Variants in DCDC2C observed in about 807,000 individuals in gnomAD.
DCDC2C encodes doublecortin domain-containing protein 2C.
DCDC2C carries 44 observed loss-of-function variants against 45.0 expected under a neutral mutation model. The observed-to-expected ratio is 0.98, with a 90% CI of 0.77 to 1.26. The LOEUF (loss-of-function observed/expected upper bound fraction) is 1.26, where lower values mean the gene tolerates loss of function less well. Ranked by LOEUF, DCDC2C falls within the 50% of genes most tolerant of loss-of-function variation. The pLI, the probability that DCDC2C is intolerant of heterozygous loss-of-function variation, is 0.00. For synonymous variants in DCDC2C, 187 were observed against 178.8 expected (o/e 1.05, Z -0.37); for missense variants, 447 against 468.9 (o/e 0.95, Z 0.43).
At chr2:3,810,347 A>G (rs2148212371) in intron 10 of DCDC2C, among the ~76,000 whole-genome samples, 1 of 152,342 alleles carries the variant, frequency 6.6e-6, no homozygotes, top group African/African-American at 2.4e-5. Context: ...ATGATCAGCG[A>G]TGTTGAACTT....
chr2:3,780,357 A>C (rs552765551), intron 9 of DCDC2C, among the ~76,000 whole-genome samples: 2 of 152,196 alleles, frequency 1.3e-5, no homozygotes, highest in Non-Finnish European at 2.9e-5. Context: ...CCTTGTGCAC[A>C]CTGGCGGTTG....
At chr2:3,725,372 C>CT (rs2148069570) in intron 2 of DCDC2C, among the ~76,000 whole-genome samples, 1 of 145,474 alleles carries the variant, frequency 6.9e-6, no homozygotes, top group South Asian at 2.1e-4. Flanking sequence ...ACCAGGGTGG[C>CT]TGAAGGAGCA....
chr2:3,831,393 A>G (rs1001477069), intron 10 of DCDC2C, among the ~76,000 whole-genome samples: 11 of 152,190 alleles, frequency 7.2e-5, no homozygotes, highest in African/African-American at 2.7e-4. Context: ...GGTGTAGCCT[A>G]TTGCCTATTG....
At chr2:3,842,166 T>C (rs913909859) in intron 10 of DCDC2C, among the ~76,000 whole-genome samples, 1 of 152,030 alleles carries the variant, frequency 6.6e-6, no homozygotes, top group African/African-American at 2.4e-5. Flanking sequence ...GGGAATCCAT[T>C]GGAATGAGAC....
At chr2:3,794,822 C>T (rs1012395911) in intron 10 of DCDC2C, among the ~76,000 whole-genome samples, 1 of 152,178 alleles carries the variant, frequency 6.6e-6, no homozygotes, top group African/African-American at 2.4e-5. Context: ...CCTCAATAAA[C>T]ATACGTGTGC....
chr2:3,803,905 C>T (rs1294377988), intron 10 of DCDC2C, among the ~76,000 whole-genome samples: 1 of 152,212 alleles, frequency 6.6e-6, no homozygotes, highest in African/African-American at 2.4e-5. Context: ...GGTGACTCTT[C>T]CGTGTTTTCC....
chr2:3,713,063 C>T (rs1055459823), intron 2 of DCDC2C, among the ~76,000 whole-genome samples: 5 of 152,146 alleles, frequency 3.3e-5, no homozygotes, highest in African/African-American at 1.2e-4. Flanking sequence ...TTGGGTGGCT[C>T]GTTTGCAGTA....
At chr2:3,836,833 G>A (rs1384987652) in intron 10 of DCDC2C, among the ~76,000 whole-genome samples, 9 of 143,166 alleles carry the variant, frequency 6.3e-5, no homozygotes, top group South Asian at 2.3e-4. Flanking sequence ...CTGCACTCCA[G>A]CCTGGGCGAC....
At chr2:3,779,777 T>TA (rs1249274702) in intron 9 of DCDC2C, among the ~76,000 whole-genome samples, 1 of 151,476 alleles carries the variant, frequency 6.6e-6, no homozygotes, top group African/African-American at 2.4e-5. Flanking sequence ...GGGAGTCACT[T>TA]TTTTTTGCTC....
intron 3 of DCDC2C, among the ~76,000 whole-genome samples, chr2:3,733,937 G>A (rs1009777133): frequency 7.9e-5 from 12 of 152,194 alleles, no homozygotes; most frequent in African/African-American, 2.9e-4. Context: ...TTCCTCAAGC[G>A]GTGGGGGAAG....
chr2:3,705,083 C>G (rs1172912968), intron 1 of DCDC2C, among the ~76,000 whole-genome samples: 1 of 152,200 alleles, frequency 6.6e-6, no homozygotes, highest in Non-Finnish European at 1.5e-5. Flanking sequence ...TTTCTTCTTT[C>G]AAATGCTCTC....
Position 3,803,825 on chromosome 2 carries a change from C to T in DCDC2C, c.1065+18725C>T, listed in dbSNP as rs553009743. Among the ~76,000 whole-genome samples the T allele has an allele frequency of 3.3e-5, 5 of 152,350 alleles. No homozygotes were observed. The South Asian group carries it at 1.0e-3, about 32-fold the overall frequency. ...ACGTCCTCCCTCTCCCTTCTCATGG[C>T]CTCAGCACTGGCTGGTGCAGGTCAG... On this transcript the variant is annotated intron_variant, in intron 10 of 10. Coordinates refer to ENST00000399143, the MANE Select transcript of DCDC2C (RefSeq NM_001287444.2).
At chr2:3,758,460 A>G (rs146677067) in intron 6 of DCDC2C, among the ~76,000 whole-genome samples, 144 of 152,334 alleles carry the variant, frequency 9.5e-4, no homozygotes, top group East Asian at 5.4e-3. Context: ...AAGTTATTAT[A>G]TACACGGAAA....
At chr2:3,808,691 C>T (rs1320004402) in intron 10 of DCDC2C, among the ~76,000 whole-genome samples, 1 of 152,148 alleles carries the variant, frequency 6.6e-6, no homozygotes, top group East Asian at 1.9e-4. Flanking sequence ...ATGTTTTTTG[C>T]CAGTATGTGG....
chr2:3,782,616 CT>C (rs536286926), intron 9 of DCDC2C, among the ~76,000 whole-genome samples: 1,621 of 151,994 alleles, frequency 0.011, 16 homozygotes, highest in Non-Finnish European at 0.019. Context: ...GTAGCTGGGA[CT>C]ACAGGCACCT....
chr2:3,747,385 G>A (rs1331944680), intron 4 of DCDC2C, among the ~76,000 whole-genome samples: 3 of 152,336 alleles, frequency 2.0e-5, no homozygotes, highest in Non-Finnish European at 2.9e-5. Context: ...ACTTGAGTTT[G>A]CCCATCTTGA....
chr2:3,781,699 A>T (rs1005327202), intron 9 of DCDC2C, among the ~76,000 whole-genome samples: 1 of 152,094 alleles, frequency 6.6e-6, no homozygotes, highest in East Asian at 1.9e-4. Context: ...GTTTCTACAA[A>T]AAATTAGTGA....
chr2:3,836,794 G>T (rs1320940815), intron 10 of DCDC2C, among the ~76,000 whole-genome samples: 4 of 151,324 alleles, frequency 2.6e-5, no homozygotes, highest in Non-Finnish European at 4.4e-5. Context: ...CCCGGGAGGC[G>T]GAGCTTGCAG....
chr2:3,827,565 C>G (rs1282298949), intron 10 of DCDC2C, among the ~76,000 whole-genome samples: 8 of 152,148 alleles, frequency 5.3e-5, no homozygotes. Flanking sequence ...GTTGATATTA[C>G]TTCAGTCAAC....
Sources: allele counts gnomAD v4.1 joint callset (sites outside exome capture counted in the v4.1 genomes callset), GRCh38; gene constraint gnomAD v4.1.1; transcripts MANE v1.5; gene names NCBI Gene and HGNC (gene_info 2026-07-23, HGNC 2026-07-21).